CNTLN: variants seen among roughly 807,000 people sequenced by gnomAD.
The protein encoded by CNTLN is centlein, centrosomal protein.
In CNTLN, 212 loss-of-function variants were observed where a neutral mutation model predicts 180.0. The observed-to-expected ratio is 1.18, with a 90% confidence interval of 1.05 to 1.32. The LOEUF is 1.32. CNTLN is among the 40% of genes most tolerant of loss of function. CNTLN has a pLI of 0.00. For synonymous variants in CNTLN, 722 were observed against 563.1 expected (o/e 1.28, Z -3.99); for missense variants, 2,095 against 1,610.9 (o/e 1.30, Z -5.14).
the CNTLN span, among the ~76,000 whole-genome samples, chr9:17,525,208 G>A: frequency 4.9e-4 from 75 of 151,790 alleles, 1 homozygote; most frequent in East Asian, 1.3e-3. Context: ...ATTAATATGC[G>A]TGACTATTGT....
chr9:17,141,415 T>C (rs1306798113), intron 1 of CNTLN, among the ~76,000 whole-genome samples: 1 of 152,134 alleles, frequency 6.6e-6, no homozygotes, highest in Non-Finnish European at 1.5e-5. Flanking sequence ...GGGAATACTC[T>C]ATGTGAAAGT....
chr9:17,234,144 A>T (rs1824989250), intron 3 of CNTLN, among the ~76,000 whole-genome samples: 1 of 152,166 alleles, frequency 6.6e-6, no homozygotes, highest in African/African-American at 2.4e-5. Context: ...ATCAATAATT[A>T]ATATTACACT....
intron 13 of CNTLN, among the ~76,000 whole-genome samples, chr9:17,377,188 A>T (rs559192962): frequency 6.6e-6 from 1 of 152,346 alleles, no homozygotes; most frequent in African/African-American, 2.4e-5. Flanking sequence ...TCACATTTTT[A>T]AAAGCCATGG....
At chr9:17,268,987 C>G (rs148599151) in intron 5 of CNTLN, among the ~76,000 whole-genome samples, 1 of 152,230 alleles carries the variant, frequency 6.6e-6, no homozygotes, top group South Asian at 2.1e-4. Context: ...TTGTGCTTCC[C>G]GAGTTAGGCC....
At chr9:17,206,573 A>G (rs775226431) in intron 2 of CNTLN, among the ~76,000 whole-genome samples, 1 of 152,186 alleles carries the variant, frequency 6.6e-6, no homozygotes, top group African/African-American at 2.4e-5. Context: ...CTTATCCTGT[A>G]TCTGTAATCT....
intron 13 of CNTLN, among the ~76,000 whole-genome samples, chr9:17,371,836 G>T (rs1824345886): frequency 6.6e-6 from 1 of 152,028 alleles, no homozygotes; most frequent in African/African-American, 2.4e-5. Flanking sequence ...GCAGACATAT[G>T]GAAATTAAAC....
At chr9:17,384,814 C>A (rs1463607518) in intron 13 of CNTLN, among the ~76,000 whole-genome samples, 1 of 152,144 alleles carries the variant, frequency 6.6e-6, no homozygotes, top group Admixed American at 6.5e-5. Flanking sequence ...ACTTCTGACA[C>A]CAATTTTATA....
At chr9:17,145,586 T>C (rs1194788745) in intron 2 of CNTLN, among the ~76,000 whole-genome samples, 1 of 152,330 alleles carries the variant, frequency 6.6e-6, no homozygotes, top group East Asian at 1.9e-4. Flanking sequence ...GCCCTTCTCT[T>C]TACTTTTTCT....
At chr9:17,172,922 G>A (rs974712357) in intron 2 of CNTLN, among the ~76,000 whole-genome samples, 5 of 152,112 alleles carry the variant, frequency 3.3e-5, no homozygotes, top group African/African-American at 4.8e-5. Context: ...TATACTATAA[G>A]GGAATCACTC....
At chr9:17,146,760 TA>T (rs1023814367) in intron 2 of CNTLN, among the ~76,000 whole-genome samples, 2 of 152,196 alleles carry the variant, frequency 1.3e-5, no homozygotes, top group African/African-American at 4.8e-5. Flanking sequence ...ATTTGAATTT[TA>T]AAATTTTAGA....
intron 15 of CNTLN, among the ~76,000 whole-genome samples, chr9:17,405,584 A>G (rs1022132748): frequency 1.3e-5 from 2 of 151,428 alleles, no homozygotes; most frequent in African/African-American, 4.9e-5. Context: ...TGATCTAATC[A>G]CCTCTTATTA....
intron 5 of CNTLN, among the ~76,000 whole-genome samples, chr9:17,265,948 G>C (rs13289755): frequency 6.6e-6 from 1 of 151,164 alleles, no homozygotes; most frequent in African/African-American, 2.4e-5. Context: ...TATTATTCTT[G>C]CTAGCGGTCT....
intron 5 of CNTLN, among the ~76,000 whole-genome samples, chr9:17,269,522 G>C (rs951432421): frequency 6.6e-6 from 1 of 151,900 alleles, no homozygotes; most frequent in Non-Finnish European, 1.5e-5. Flanking sequence ...CTCTTGTTTG[G>C]TCAATTGGTT....
chr9:17,359,955 G>A (rs1267245935), intron 12 of CNTLN, among the ~76,000 whole-genome samples: 1 of 151,662 alleles, frequency 6.6e-6, no homozygotes, highest in Non-Finnish European at 1.5e-5. Flanking sequence ...CATACTAATG[G>A]CCAATAAGCA....
chr9:17,343,110 C>G (rs1032436410), intron 12 of CNTLN, among the ~76,000 whole-genome samples: 1 of 152,210 alleles, frequency 6.6e-6, no homozygotes, highest in Non-Finnish European at 1.5e-5. Flanking sequence ...AAGTATAAAA[C>G]TTGATGAAGG....
At chr9:17,218,811 A>G (rs895839962) in intron 2 of CNTLN, among the ~76,000 whole-genome samples, 11 of 152,210 alleles carry the variant, frequency 7.2e-5, no homozygotes, top group Non-Finnish European at 1.5e-4. Flanking sequence ...TTATAGTTGG[A>G]TGTTTTTTTA....
At position 17,499,695 on chromosome 9, in the gene CNTLN, A is replaced by G. The variant is rs529605889; in HGVS notation, c.4120-2856A>G. Among the ~76,000 whole-genome samples the G allele has an allele frequency of 1.0e-3, 154 of 152,266 alleles. 1 individual carries two copies. The highest frequency in any genetic ancestry group is 3.4e-3 in the African/African-American group (140 of 41,576). ...TAGATTTTACAAAATATTGTTTTGTAGTTCTGACTTTTTCTTAGTCTTCCT... is the reference window on the plus strand; with the variant it reads ...TAGATTTTACAAAATATTGTTTTGTGGTTCTGACTTTTTCTTAGTCTTCCT... On this transcript the variant is annotated intron_variant, in intron 25 of 25. Transcript: ENST00000380647.
intron 12 of CNTLN, among the ~76,000 whole-genome samples, chr9:17,348,691 G>T (rs10810770): frequency 6.1e-4 from 93 of 151,278 alleles, no homozygotes; most frequent in African/African-American, 2.0e-3. Context: ...TCACCACGCG[G>T]GGCAAATTTT....
chr9:17,392,446 A>G (rs1826185502), intron 14 of CNTLN, among the ~76,000 whole-genome samples: 1 of 152,220 alleles, frequency 6.6e-6, no homozygotes, highest in Non-Finnish European at 1.5e-5. Context: ...GATTTGGAAA[A>G]AGTAAAAAGG....
Sources: allele counts gnomAD v4.1 joint callset (sites outside exome capture counted in the v4.1 genomes callset), GRCh38; gene constraint gnomAD v4.1.1; transcripts MANE v1.5; gene names NCBI Gene and HGNC (gene_info 2026-07-23, HGNC 2026-07-21).